The following COL6A5 variants were observed in gnomAD, a reference collection of about 807,000 sequenced individuals.
The protein encoded by COL6A5 is collagen type VI alpha 5 chain, also known as collagen alpha-5(VI) chain.
Under a neutral mutation model 65.6 loss-of-function variants are expected in COL6A5, and 48 were observed. The observed-to-expected ratio is 0.73, with a 90% CI of 0.58 to 0.93. COL6A5 has a LOEUF of 0.93. Ranked by LOEUF, COL6A5 falls within the 40% of genes least tolerant of loss-of-function variation. The pLI, the probability that COL6A5 is intolerant of heterozygous loss-of-function variation, is 0.00. For synonymous variants in COL6A5, 291 were observed against 322.8 expected (o/e 0.90, Z 1.05); for missense variants, 914 against 928.3 (o/e 0.98, Z 0.20).
chr3:130,459,466 G>A (rs1709654193), intron 5 of COL6A5, among the ~76,000 whole-genome samples: 1 of 152,058 alleles, frequency 6.6e-6, no homozygotes, highest in South Asian at 2.1e-4. Flanking sequence ...GGGATATATT[G>A]CAACGTCTGG....
intron 5 of COL6A5, among the ~76,000 whole-genome samples, chr3:130,466,003 A>G (rs1313044135): frequency 2.0e-5 from 3 of 152,052 alleles, no homozygotes; most frequent in Non-Finnish European, 2.9e-5. Flanking sequence ...AAAATGAAAT[A>G]CAAAGAAAAA....
intron 4 of COL6A5, among the ~76,000 whole-genome samples, 189 bp from the exon 37 acceptor site, chr3:130,455,266 C>A (rs1011133746): frequency 6.6e-6 from 1 of 151,898 alleles, no homozygotes; most frequent in East Asian, 1.9e-4. Flanking sequence ...AGTAGAAAAT[C>A]TTATCAGAGT....
intron 10 of COL6A5, 139 bp downstream of exon 10, chr3:130,398,250 C>A: frequency 1.6e-6 from 1 of 632,246 alleles, no homozygotes; most frequent in Non-Finnish European, 2.7e-6. Context: ...CCTGCCTCAA[C>A]CTCCTGAGTA....
chr3:130,410,452 G>A lies in COL6A5; in HGVS notation c.4609-19G>A, dbSNP rs1937137041. 1.3e-6 allele frequency: 2 copies of A among 1,543,862 alleles called. No homozygotes were observed. The highest frequency in any genetic ancestry group is 1.2e-5 in the South Asian group (1 of 83,332). On this transcript the variant is annotated intron_variant and NMD_transcript_variant, in intron 19 of 41. Transcript: ENST00000312481. ...AGAATTTTTTCCTTTTGATCTTGAG[G>A]AAATTATTATATTTTTAGGGTAGAA...
intron 7 of COL6A5, among the ~76,000 whole-genome samples, chr3:130,483,612 T>C (rs6785320): frequency 0.02 from 3,041 of 152,206 alleles, 42 homozygotes; most frequent in Middle Eastern, 0.041. Flanking sequence ...AAAGCTCACA[T>C]GGCAATGGTT....
At chr3:130,367,049 T>G (rs2107627996) in intron 1 of COL6A5, among the ~76,000 whole-genome samples, 1 of 152,294 alleles carries the variant, frequency 6.6e-6, no homozygotes, top group Non-Finnish European at 1.5e-5. Flanking sequence ...CCTATTTCAG[T>G]TCCATAAATT....
intron 5 of COL6A5, among the ~76,000 whole-genome samples, chr3:130,456,201 G>A (rs946566258): frequency 1.3e-5 from 2 of 152,066 alleles, no homozygotes; most frequent in Non-Finnish European, 2.9e-5. Flanking sequence ...AGAAATGATA[G>A]AACATAAACT....
In COL6A5 at chr3:130,423,771, G is replaced by A. The variant is rs368129366; in HGVS notation, c.5101-67G>A. 27 of 1,238,646 alleles carry A rather than the reference G, an allele frequency of 2.2e-5. 1 individual carries two copies. The highest frequency in any genetic ancestry group is 1.3e-4 in the East Asian group (5 of 38,606). The allele number at this position is 1,238,646 out of a possible 1,614,324, so 76.7% of individuals were successfully genotyped here. On this transcript the variant is annotated intron_variant and NMD_transcript_variant, in intron 28 of 41. Coordinates refer to the COL6A5 transcript ENST00000312481. ...TTTTTTAAAATTAGAAAGTCTTATC[G>A]AAACTGAAGTAGTCCCCATAGATAG...
chr3:130,350,832 C>A (rs1462653748), intron 1 of COL6A5, among the ~76,000 whole-genome samples: 2 of 152,116 alleles, frequency 1.3e-5, no homozygotes, highest in African/African-American at 4.8e-5. Context: ...CATATGGAAT[C>A]AAAAAAGCAC....
chr3:130,347,899 T>C (rs1253651420), intron 1 of COL6A5, among the ~76,000 whole-genome samples: 4 of 152,076 alleles, frequency 2.6e-5, no homozygotes, highest in East Asian at 3.9e-4. Context: ...CTGGGCAAAG[T>C]TGGGATCTAA....
chr3:130,354,678 C>T (rs1934858141), intron 1 of COL6A5, among the ~76,000 whole-genome samples: 1 of 152,154 alleles, frequency 6.6e-6, no homozygotes, highest in African/African-American at 2.4e-5. Flanking sequence ...AGTCATCTAG[C>T]CCAGAGCTTC....
intron 13 of COL6A5, 46 bp downstream of exon 13, chr3:130,403,708 T>TACACAC (rs71158192): frequency 5.8e-6 from 7 of 1,215,652 alleles, no homozygotes; most frequent in East Asian, 2.7e-5. Context: ...ACACACACTG[T>TACACAC]ACACACACAC....
At chr3:130,391,514 C>T (rs1324971638) in exon 7 of COL6A5, 11 of 1,551,714 alleles carry the variant, frequency 7.1e-6, no homozygotes, top group Admixed American at 3.9e-5. Context: ...AAATGTGAAG[C>T]AGATGCTGAT....
chr3:130,370,096 A>G (rs958557289), intron 1 of COL6A5, among the ~76,000 whole-genome samples: 16 of 152,036 alleles, frequency 1.1e-4, no homozygotes, highest in African/African-American at 3.9e-4. Context: ...CATTCATGCT[A>G]CTCTCTACCT....
intron 27 of COL6A5, among the ~76,000 whole-genome samples, 186 bp downstream of exon 27, chr3:130,421,546 T>C (rs1166405990): frequency 6.6e-6 from 1 of 152,116 alleles, no homozygotes; most frequent in Admixed American, 6.6e-5. Flanking sequence ...AAAAGATTGT[T>C]CTGTCCATCA....
chr3:130,412,261 T>A lies in COL6A5; in HGVS notation c.4663-1284T>A, dbSNP rs375602310. ...CCTCATAACATACCTGTGAGGTAGA[T>A]ACTATTATTATATCCATTTTTCCAG... is the stretch of plus-strand genomic sequence containing the variant. On this transcript the variant is annotated intron_variant and NMD_transcript_variant, in intron 20 of 41. Coordinates refer to the COL6A5 transcript ENST00000312481. Among the ~76,000 whole-genome samples, 4 of 152,286 alleles carry A rather than the reference T, an allele frequency of 2.6e-5. 1 individual carries two copies. The East Asian group carries it at 5.8e-4, about 22-fold the overall frequency.
At chr3:130,385,246 T>C (rs1329012262) in exon 5 of COL6A5, 2 of 1,550,980 alleles carry the variant, frequency 1.3e-6, no homozygotes, top group Non-Finnish European at 8.7e-7. Flanking sequence ...TTGGGGCAGC[T>C]AATAAAATAG....
chr3:130,425,176 C>T (rs1286613361), intron 29 of COL6A5, among the ~76,000 whole-genome samples: 3 of 152,072 alleles, frequency 2.0e-5, no homozygotes, highest in South Asian at 2.1e-4. Context: ...TTTCCTGATT[C>T]GAATTAGAAG....
Position 130,426,358 on chromosome 3 carries a change from C to A in COL6A5, c.5200-9C>A. The A allele has an allele frequency of 6.4e-7, 1 of 1,551,320 alleles. No individual in the cohort carries two copies. The highest frequency in any genetic ancestry group is 8.7e-7 in the Non-Finnish European group (1 of 1,146,712). On this transcript the variant is annotated splice_polypyrimidine_tract_variant and intron_variant and NMD_transcript_variant, in intron 30 of 41. Coordinates refer to the COL6A5 transcript ENST00000312481. Reference sequence around the variant, plus strand: ...ATTTCTTTTCTCTCTCCTTTTTCAACATTTACAGCAATGTGATCTGATCCG... The same window carrying A: ...ATTTCTTTTCTCTCTCCTTTTTCAAAATTTACAGCAATGTGATCTGATCCG...
Sources: allele counts gnomAD v4.1 joint callset (sites outside exome capture counted in the v4.1 genomes callset), GRCh38; gene constraint gnomAD v4.1.1; transcripts MANE v1.5; gene names NCBI Gene and HGNC (gene_info 2026-07-23, HGNC 2026-07-21).